C2orf92: variants seen among roughly 807,000 people sequenced by gnomAD.
C2orf92 encodes the protein chromosome 2 open reading frame 92, also known as uncharacterized protein C2orf92.
chr2:97,663,995 T>A (rs1020375563), upstream of C2orf92: 1 of 639,362 alleles, frequency 1.6e-6, no homozygotes, highest in Non-Finnish European at 2.2e-6. Context: ...GCGGCGCCGC[T>A]GCCCTCCCTC....
At chr2:97,689,902 G>A (rs948144774) in intron 4 of C2orf92, among the ~76,000 whole-genome samples, 4 of 152,138 alleles carry the variant, frequency 2.6e-5, no homozygotes, top group African/African-American at 9.7e-5. Context: ...GCCGAGGTGG[G>A]CAGATCACTT....
At chr2:97,676,327 G>T (rs1040517936) in intron 3 of C2orf92, among the ~76,000 whole-genome samples, 1 of 151,262 alleles carries the variant, frequency 6.6e-6, no homozygotes, top group Non-Finnish European at 1.5e-5. Flanking sequence ...CCAGCTACTC[G>T]GGAGGTTGAG....
intron 5 of C2orf92, chr2:97,697,387 AAG>A (rs1419394700): frequency 6.6e-6 from 1 of 152,192 alleles, no homozygotes; most frequent in African/African-American, 2.4e-5. Context: ...CTGGTAGAGA[AAG>A]AGAGTGAAAA....
chr2:97,669,177 G>A (rs1329692032), upstream of C2orf92: 1 of 152,216 alleles, frequency 6.6e-6, no homozygotes, highest in Admixed American at 6.5e-5. Context: ...AAATGTAATA[G>A]AGGGAAATAG....
chr2:97,670,080 T>C (rs974463805), intron 1 of C2orf92: 1 of 364,794 alleles, frequency 2.7e-6, no homozygotes, highest in Non-Finnish European at 4.9e-6. Flanking sequence ...CATGCGTATT[T>C]TAACTTTTCA....
intron 3 of C2orf92, among the ~76,000 whole-genome samples, chr2:97,682,678 A>C (rs1468029464): frequency 6.6e-6 from 1 of 152,096 alleles, no homozygotes; most frequent in African/African-American, 2.4e-5. Context: ...AATCACTGTA[A>C]TATACCACAT....
intron 1 of C2orf92, among the ~76,000 whole-genome samples, chr2:97,673,080 C>T (rs775861736): frequency 3.3e-5 from 5 of 152,160 alleles, no homozygotes; most frequent in Admixed American, 6.5e-5. Flanking sequence ...AAGAGATTTC[C>T]GAGCTTATAG....
intron 5 of C2orf92, among the ~76,000 whole-genome samples, chr2:97,692,759 T>A (rs1227353685): frequency 1.9e-4 from 29 of 152,218 alleles, no homozygotes; most frequent in Admixed American, 1.9e-3. Context: ...TTATTTATCA[T>A]GTTTAATTGC....
intron 1 of C2orf92, among the ~76,000 whole-genome samples, chr2:97,673,566 G>C (rs965256815): frequency 6.6e-6 from 1 of 152,084 alleles, no homozygotes; most frequent in Non-Finnish European, 1.5e-5. Context: ...TAAATACTGT[G>C]GTCAACTGAA....
chr2:97,684,075 G>A (rs1203532321), intron 3 of C2orf92, among the ~76,000 whole-genome samples: 7 of 131,838 alleles, frequency 5.3e-5, no homozygotes, highest in Non-Finnish European at 1.1e-4. Flanking sequence ...TCACTCTGTC[G>A]CCCAGGCTGG....
intron 5 of C2orf92, 124 bp downstream of exon 5, chr2:97,690,451 G>A: frequency 2.7e-6 from 1 of 374,678 alleles, no homozygotes; most frequent in Non-Finnish European, 4.7e-6. Context: ...TGCAGTCTCG[G>A]CTCACTGCAA....
chr2:97,666,356 T>TG (rs748005119), upstream of C2orf92, among the ~76,000 whole-genome samples: 50 of 151,726 alleles, frequency 3.3e-4, no homozygotes, highest in Admixed American at 2.0e-3. Context: ...GCTAACACGG[T>TG]GAAACCCTGT....
At chr2:97,670,331 A>G (rs1397964082) in intron 1 of C2orf92, 3 of 152,008 alleles carry the variant, frequency 2.0e-5, no homozygotes, top group African/African-American at 7.3e-5. Flanking sequence ...GTCTGTATAA[A>G]AAATTTTAAA....
chr2:97,675,112 A>T (rs1675534277), intron 2 of C2orf92, among the ~76,000 whole-genome samples: 1 of 152,244 alleles, frequency 6.6e-6, no homozygotes, highest in Non-Finnish European at 1.5e-5. Flanking sequence ...AGCTGGCCAC[A>T]TATGCAAAAA....
chr2:97,676,642 T>C (rs1481953814), intron 3 of C2orf92, among the ~76,000 whole-genome samples: 2 of 151,626 alleles, frequency 1.3e-5, no homozygotes, highest in Non-Finnish European at 2.9e-5. Flanking sequence ...TGTGGTGGCA[T>C]GTGCCTGTGG....
intron 4 of C2orf92, among the ~76,000 whole-genome samples, chr2:97,689,482 A>G (rs1422700504): frequency 6.6e-6 from 1 of 152,234 alleles, no homozygotes; most frequent in Non-Finnish European, 1.5e-5. Flanking sequence ...ACATGTGAAG[A>G]ACACACTGTT....
intron 6 of C2orf92, among the ~76,000 whole-genome samples, chr2:97,699,668 C>T (rs1676431529): frequency 1.3e-5 from 2 of 152,078 alleles, no homozygotes; most frequent in Admixed American, 1.3e-4. Context: ...CAAAAAGATG[C>T]TACTTTTATA....
At chr2:97,664,878 TA>T (rs1675155299), upstream of C2orf92, 1 of 152,232 alleles carries the variant, frequency 6.6e-6, no homozygotes, top group Admixed American at 6.5e-5. Context: ...CACGGCCCCA[TA>T]ATATTTCCTC....
intron 5 of C2orf92, among the ~76,000 whole-genome samples, chr2:97,696,562 C>T (rs572012271): frequency 5.3e-4 from 80 of 152,244 alleles, no homozygotes; most frequent in African/African-American, 1.9e-3. Context: ...ATGGTGAAAC[C>T]TCATCTCTAC....
Sources: gnomAD v4.1 joint callset for allele counts (sites outside exome capture counted in the v4.1 genomes callset) on GRCh38, gnomAD v4.1.1 for gene constraint, MANE v1.5 for transcripts, NCBI Gene and HGNC (gene_info 2026-07-23, HGNC 2026-07-21) for gene names.